The following STAB2 variants were observed in gnomAD, a reference collection of about 807,000 sequenced individuals.
The protein encoded by STAB2 is stabilin 2.
STAB2 carries 288 observed loss-of-function variants against 338.1 expected under a neutral mutation model. That is an observed-to-expected ratio of 0.85 (90% confidence interval 0.77 to 0.94). The LOEUF (loss-of-function observed/expected upper bound fraction) is 0.94, where lower values mean the gene tolerates loss of function less well. Ranked by LOEUF, STAB2 falls within the 40% of genes least tolerant of loss-of-function variation. The probability of loss-of-function intolerance (pLI) is 0.00; values close to 1 mark genes in which losing one functional copy is unlikely to be tolerated. For synonymous variants in STAB2, 1,202 were observed against 1,193.3 expected (o/e 1.01, Z -0.15); for missense variants, 3,141 against 3,210.1 (o/e 0.98, Z 0.52).
chr12:103,661,693 A>G (rs1374647952), intron 17 of STAB2, among the ~76,000 whole-genome samples: 1 of 152,220 alleles, frequency 6.6e-6, no homozygotes, highest in Non-Finnish European at 1.5e-5. Flanking sequence ...CATCTGAACA[A>G]AACCTGAACC....
At position 103,732,980 on chromosome 12, in the gene STAB2, C is replaced by T. The variant is rs148624247; in HGVS notation, c.5284-26C>T. The stretch of plus-strand genomic sequence containing the variant: ...CATGTCTGGGCCTTGCTCAAGCCAG[C>T]AAGGGGCTGAATCCCTGTGTTTCAG... On this transcript the variant is annotated intron_variant, in intron 50 of 68. Coordinates refer to ENST00000388887, the MANE Select transcript of STAB2 (RefSeq NM_017564.10). 259 of 1,609,032 alleles carry T rather than the reference C, an allele frequency of 1.6e-4. No individual in the cohort carries two copies. In the African/African-American group the frequency reaches 3.1e-3, roughly 19 times the overall value.
chr12:103,726,318 G>A (rs566762053), intron 46 of STAB2, among the ~76,000 whole-genome samples, 155 bp downstream of exon 46: 1 of 152,198 alleles, frequency 6.6e-6, no homozygotes, highest in South Asian at 2.1e-4. Flanking sequence ...GCAAAACCCC[G>A]TCTCTTTTAA....
chr12:103,736,041 C>T (rs1882094793), intron 52 of STAB2, among the ~76,000 whole-genome samples: 1 of 152,200 alleles, frequency 6.6e-6, no homozygotes, highest in Admixed American at 6.5e-5. Flanking sequence ...CCTTCCCTGG[C>T]TAGTTCCTGA....
At chr12:103,712,525 T>C (rs1405470224) in intron 41 of STAB2, 82 bp downstream of exon 41, 1 of 1,085,366 alleles carries the variant, frequency 9.2e-7, no homozygotes, top group African/African-American at 1.5e-5. Context: ...GCAGTCTGAA[T>C]GGGCCTCAGC....
chr12:103,728,668 GTC>G (rs1881399646), intron 47 of STAB2, among the ~76,000 whole-genome samples, 179 bp from the exon 48 acceptor site: 1 of 152,170 alleles, frequency 6.6e-6, no homozygotes, highest in South Asian at 2.1e-4. Flanking sequence ...AGGAGCTAGA[GTC>G]ACTTCCTCCC....
intron 44 of STAB2, among the ~76,000 whole-genome samples, chr12:103,720,675 A>G (rs761107147): frequency 1.3e-5 from 2 of 152,216 alleles, no homozygotes; most frequent in Admixed American, 6.5e-5. Context: ...ACTGTGAAAC[A>G]TTGCCTTTCC....
chr12:103,755,357 C>A lies in STAB2; in HGVS notation c.6770C>A (p.Pro2257His). Residue 2257 changes from proline to histidine, a missense_variant, in exon 62 of 69, where the codon CCC (proline) becomes CAC (histidine). Coordinates refer to ENST00000388887, the MANE Select transcript of STAB2 (RefSeq NM_017564.10). ...CTGGAGACCGGGCGGGTTGCCTACC[C>A]CACAGCCTTCGCCTCCCAGAACTGT... ...GWLETGRVAY[P>H]TAFASQNCGS... 6.2e-7 allele frequency: 1 copy of A among 1,614,134 alleles called. No individual in the cohort carries two copies. Among genetic ancestry groups the A allele is most frequent in the East Asian group, 2.2e-5 (1 of 44,880 alleles).
rs139991904 is a variant in STAB2 at position 103,749,186 on chromosome 12, G to A, written c.6438+30G>A. 79 of 1,572,128 alleles carry A rather than the reference G, an allele frequency of 5.0e-5. No individual in the cohort carries two copies. In the Middle Eastern group the frequency reaches 1.6e-3, roughly 33 times the overall value. ...GTCGCTCTTTCCCAGGGAAATTTGG[G>A]AGCAGCGCCGTGGGCTTCGCTCCTC... is the stretch of plus-strand genomic sequence containing the variant. On this transcript the variant is annotated intron_variant, in intron 59 of 68. Coordinates refer to ENST00000388887, the MANE Select transcript of STAB2 (RefSeq NM_017564.10).
intron 9 of STAB2, among the ~76,000 whole-genome samples, chr12:103,644,430 AGAC>A (rs1873179144): frequency 6.7e-6 from 1 of 149,908 alleles, no homozygotes; most frequent in African/African-American, 2.4e-5. Context: ...GGAAAACCAG[AGAC>A]CTTTGTTCAC....
chr12:103,627,132 C>G (rs950064281), intron 5 of STAB2, among the ~76,000 whole-genome samples: 1 of 152,166 alleles, frequency 6.6e-6, no homozygotes, highest in African/African-American at 2.4e-5. Context: ...TGCTCAAGGC[C>G]ATGCAGCTAT....
chr12:103,695,499 A>G, intron 31 of STAB2, 51 bp from the exon 32 acceptor site: 2 of 1,578,738 alleles, frequency 1.3e-6, no homozygotes, highest in Non-Finnish European at 1.7e-6. Flanking sequence ...ATCGAAAAGC[A>G]GTAGGTCCTA....
At chr12:103,761,201 C>T (rs1184833004) in intron 65 of STAB2, 99 bp from the exon 66 acceptor site, 15 of 1,099,822 alleles carry the variant, frequency 1.4e-5, no homozygotes, top group Non-Finnish European at 1.8e-5. Flanking sequence ...AAACCTGAAA[C>T]ATGGGCTCAG....
chr12:103,731,190 G>T (rs1162876960), intron 49 of STAB2, among the ~76,000 whole-genome samples: 2 of 152,172 alleles, frequency 1.3e-5, no homozygotes, highest in Non-Finnish European at 2.9e-5. Flanking sequence ...CCTGTCTCCA[G>T]CCTCACCACC....
At position 103,670,126 on chromosome 12, in the gene STAB2, G is replaced by A. The variant is rs145043430; in HGVS notation, c.2259+499G>A. On this transcript the variant is annotated intron_variant, in intron 21 of 68. Coordinates refer to ENST00000388887, the MANE Select transcript of STAB2 (RefSeq NM_017564.10). ...ATACATCTGTGCATTTAATAAGCCC[G>A]CCTCTAAAACGTGGCTTTTTCAAGG... 3.0e-3 allele frequency among the ~76,000 whole-genome samples: 455 copies of A among 152,000 alleles called. 7 individuals are homozygous for A. The highest frequency in any genetic ancestry group is 1.9e-3 in the East Asian group (10 of 5,174).
intron 2 of STAB2, among the ~76,000 whole-genome samples, chr12:103,592,618 A>G (rs550099659): frequency 6.6e-6 from 1 of 152,318 alleles, no homozygotes; most frequent in East Asian, 1.9e-4. Context: ...GTTTGAAGAT[A>G]AGTACAATCC....
intron 3 of STAB2, among the ~76,000 whole-genome samples, chr12:103,606,439 C>A (rs1461772932): frequency 6.6e-6 from 1 of 152,040 alleles, no homozygotes; most frequent in African/African-American, 2.4e-5. Flanking sequence ...CGATGTCCAG[C>A]ATTCTTCATT....
Position 103,690,496 on chromosome 12 carries a change from A to T in STAB2, c.3255A>T (p.Thr1085=), listed in dbSNP as rs757136712. 6.2e-7 allele frequency: 1 copy of T among 1,614,146 alleles called. No individual in the cohort carries two copies. Among genetic ancestry groups the T allele is most frequent in the Non-Finnish European group, 8.5e-7 (1 of 1,179,964 alleles). ...TGTCTTCTTCTGACATGTTGGCAAC[A>T]TCTTTGCAGGGCAACTTCCTTCACT... ...QTLSSSDMLA[T]SLQGNFLHLA... The change falls in exon 30 of 69, where the codon ACA becomes ACT. Residue 1085 remains threonine (T), a synonymous_variant. Transcript: ENST00000388887.
chr12:103,629,588 T>A (rs1336916826), intron 5 of STAB2, among the ~76,000 whole-genome samples: 2 of 152,170 alleles, frequency 1.3e-5, no homozygotes, highest in Non-Finnish European at 2.9e-5. Context: ...GGGCTTTGGC[T>A]GGCCTTGAAG....
intron 59 of STAB2, 34 bp downstream of exon 59, chr12:103,749,190 A>T: frequency 3.2e-6 from 5 of 1,567,378 alleles, no homozygotes; most frequent in Non-Finnish European, 4.3e-6. Context: ...ATTTGGGAGC[A>T]GCGCCGTGGG....
Sources: gnomAD v4.1 joint callset for allele counts (sites outside exome capture counted in the v4.1 genomes callset) on GRCh38, gnomAD v4.1.1 for gene constraint, MANE v1.5 for transcripts, NCBI Gene and HGNC (gene_info 2026-07-23, HGNC 2026-07-21) for gene names.